The following SH3D19 variants were observed in gnomAD, a reference collection of about 807,000 sequenced individuals.
SH3D19 encodes SH3 domain containing 19.
In SH3D19, 58 loss-of-function variants were observed where a neutral mutation model predicts 112.1. That is an observed-to-expected ratio of 0.52 (90% CI 0.42 to 0.64). SH3D19 has a LOEUF of 0.64. Ranked by LOEUF, SH3D19 falls within the 30% of genes least tolerant of loss-of-function variation. SH3D19 has a pLI of 0.00. For missense variants in SH3D19, 1,090 were observed against 1,263.4 expected (o/e 0.86, Z 2.08); for synonymous variants, 391 against 448.5 (o/e 0.87, Z 1.62).
intron 8 of SH3D19, among the ~76,000 whole-genome samples, chr4:151,160,087 C>CT (rs1203320024): frequency 0.05 from 6,822 of 137,522 alleles, 267 homozygotes; most frequent in African/African-American, 0.1. Context: ...TGTTTTATTT[C>CT]TTTTTTTTTT....
At chr4:151,134,009 T>G (rs1751299677) in intron 15 of SH3D19, among the ~76,000 whole-genome samples, 1 of 152,142 alleles carries the variant, frequency 6.6e-6, no homozygotes, top group South Asian at 2.1e-4. Context: ...AGCAATTGCC[T>G]AAAAAGAAAA....
chr4:151,180,821 T>C (rs551442018), intron 3 of SH3D19, among the ~76,000 whole-genome samples: 5 of 151,906 alleles, frequency 3.3e-5, no homozygotes, highest in Non-Finnish European at 7.4e-5. Flanking sequence ...TGGAGTGCAG[T>C]GGCGCCATCT....
chr4:151,257,393 C>T (rs928628847), intron 1 of SH3D19, among the ~76,000 whole-genome samples: 2 of 152,066 alleles, frequency 1.3e-5, no homozygotes, highest in African/African-American at 4.8e-5. Flanking sequence ...CAGGAGATAA[C>T]TCAATTGTAA....
chr4:151,140,090 T>C (rs1752719073), intron 12 of SH3D19: 1 of 443,762 alleles, frequency 2.3e-6, no homozygotes, highest in South Asian at 3.5e-5. Context: ...GTTTTCTTTT[T>C]GCTTTTTTAA....
intron 1 of SH3D19, chr4:151,227,612 G>T: frequency 3.3e-6 from 1 of 302,678 alleles, no homozygotes; most frequent in Non-Finnish European, 4.9e-6. Context: ...TCATAGTAAC[G>T]CAGGGCACAT....
chr4:151,213,106 T>C (rs1423275296), intron 2 of SH3D19, among the ~76,000 whole-genome samples: 4 of 152,224 alleles, frequency 2.6e-5, no homozygotes, highest in Non-Finnish European at 5.9e-5. Flanking sequence ...AGGAGTTCCT[T>C]CTTCTGGATG....
intron 1 of SH3D19, among the ~76,000 whole-genome samples, chr4:151,316,673 A>C (rs1730017187): frequency 6.6e-6 from 1 of 151,572 alleles, no homozygotes; most frequent in African/African-American, 2.4e-5. Context: ...TTTATTTTTA[A>C]AAAGAAAAAA....
chr4:151,126,066 A>G (rs1010577851), intron 19 of SH3D19, among the ~76,000 whole-genome samples: 1 of 151,982 alleles, frequency 6.6e-6, no homozygotes, highest in Non-Finnish European at 1.5e-5. Flanking sequence ...GGCTGCACAT[A>G]CCTGATTCAG....
intron 1 of SH3D19, among the ~76,000 whole-genome samples, chr4:151,290,784 A>G (rs567150617): frequency 6.6e-6 from 1 of 152,360 alleles, no homozygotes; most frequent in South Asian, 2.1e-4. Flanking sequence ...ACACTAAACA[A>G]GAGCAGTAAG....
chr4:151,224,390 A>T (rs1243060729), intron 2 of SH3D19, among the ~76,000 whole-genome samples: 4 of 152,172 alleles, frequency 2.6e-5, no homozygotes, highest in Non-Finnish European at 5.9e-5. Flanking sequence ...AAATCGGTGC[A>T]GACTTTTTTG....
chr4:151,279,145 C>A, intron 1 of SH3D19: 2 of 426,162 alleles, frequency 4.7e-6, no homozygotes, highest in Non-Finnish European at 9.2e-6. Flanking sequence ...CCTGCAGCAG[C>A]ATCTTGGCCA....
chr4:151,248,303 T>G (rs917233866), intron 1 of SH3D19, among the ~76,000 whole-genome samples: 2 of 152,128 alleles, frequency 1.3e-5, no homozygotes, highest in Non-Finnish European at 2.9e-5. Flanking sequence ...AATGAGAGTT[T>G]AGGAAAAGTC....
At chr4:151,198,883 C>A (rs191472469) in intron 2 of SH3D19, among the ~76,000 whole-genome samples, 1 of 152,250 alleles carries the variant, frequency 6.6e-6, no homozygotes, top group Admixed American at 6.5e-5. Context: ...TCATTCTTAA[C>A]AATCAAAGAT....
chr4:151,242,771 GT>G (rs1289391587), intron 1 of SH3D19, among the ~76,000 whole-genome samples: 1 of 152,078 alleles, frequency 6.6e-6, no homozygotes, highest in African/African-American at 2.4e-5. Flanking sequence ...AAAGCATCTG[GT>G]TATGAGAGCT....
chr4:151,200,974 C>T (rs914031418), intron 2 of SH3D19, among the ~76,000 whole-genome samples: 1 of 152,122 alleles, frequency 6.6e-6, no homozygotes, highest in African/African-American at 2.4e-5. Flanking sequence ...CTGCACAGGC[C>T]CCAGATGTTA....
At chr4:151,178,414 T>C (rs959545819) in intron 4 of SH3D19, among the ~76,000 whole-genome samples, 3 of 152,240 alleles carry the variant, frequency 2.0e-5, no homozygotes, top group African/African-American at 7.2e-5. Context: ...ATACTCATGC[T>C]ACATTGTGAA....
chr4:151,315,943 G>A (rs1472708032), intron 1 of SH3D19, among the ~76,000 whole-genome samples: 1 of 152,108 alleles, frequency 6.6e-6, no homozygotes, highest in Non-Finnish European at 1.5e-5. Flanking sequence ...GGAAAGAGAG[G>A]AAAAAGGCTT....
At chr4:151,255,299 C>T (rs1771776652) in intron 1 of SH3D19, among the ~76,000 whole-genome samples, 1 of 150,540 alleles carries the variant, frequency 6.6e-6, no homozygotes, top group Non-Finnish European at 1.5e-5. Context: ...AGGGTCTCCT[C>T]ACTTCTCAGA....
chr4:151,236,135 C>A (rs144540193), intron 1 of SH3D19, among the ~76,000 whole-genome samples: 3,099 of 152,374 alleles, frequency 0.02, 58 homozygotes, highest in Middle Eastern at 0.034. Flanking sequence ...CCTCGGCGTC[C>A]GCTCTGGCCG....
Sources: allele counts gnomAD v4.1 joint callset (sites outside exome capture counted in the v4.1 genomes callset), GRCh38; gene constraint gnomAD v4.1.1; transcripts MANE v1.5; gene names NCBI Gene and HGNC (gene_info 2026-07-23, HGNC 2026-07-21).